FAM135B: variants seen among roughly 807,000 people sequenced by gnomAD.
The protein encoded by FAM135B is protein FAM135B.
FAM135B carries 43 observed loss-of-function variants against 127.7 expected under a neutral mutation model. The observed-to-expected ratio is 0.34, with a 90% CI of 0.26 to 0.43. The LOEUF is 0.43. FAM135B is among the 20% of genes least tolerant of loss of function. The pLI is 1.00. For missense variants in FAM135B, 1,558 were observed against 1,725.6 expected (o/e 0.90, Z 1.72); for synonymous variants, 670 against 665.1 (o/e 1.01, Z -0.11).
intron 4 of FAM135B, 24 bp downstream of exon 4, chr8:138,265,672 ACTTGTGG>A (rs778559871): frequency 4.3e-6 from 7 of 1,612,726 alleles, no homozygotes; most frequent in Non-Finnish European, 5.9e-6. Context: ...GGGAACAGCT[ACTTGTGG>A]CTGGTGGTAG....
chr8:138,153,278 C>G lies in FAM135B; in HGVS notation c.1259-62G>C, dbSNP rs187542939. 7 of 1,321,418 alleles carry G rather than the reference C, an allele frequency of 5.3e-6. No individual in the cohort carries two copies. The African/African-American group carries it at 1.0e-4, about 20-fold the overall frequency. 81.9% of individuals were successfully genotyped at this position (1,321,418 alleles called of 1,614,324 possible). ...TAAGAATCTGTGTTTACAAGTTATC[C>G]AAATGTCTAACTGTATAATAAAGAA... On this transcript the variant is annotated intron_variant, in intron 12 of 19. Coordinates refer to ENST00000395297, the MANE Select transcript of FAM135B (RefSeq NM_015912.4).
intron 2 of FAM135B, among the ~76,000 whole-genome samples, chr8:138,365,554 T>C (rs1830683851): frequency 6.6e-6 from 1 of 152,220 alleles, no homozygotes; most frequent in Non-Finnish European, 1.5e-5. Flanking sequence ...TTAGATAGAT[T>C]AGCTTATCAT....
intron 1 of FAM135B, chr8:138,441,261 G>C (rs1412878369): frequency 6.6e-6 from 1 of 152,186 alleles, no homozygotes; most frequent in African/African-American, 2.4e-5. Flanking sequence ...GTTTGTTTCT[G>C]GGGTAGCCCT....
chr8:138,443,740 G>T (rs1835942378), intron 1 of FAM135B, among the ~76,000 whole-genome samples: 2 of 152,078 alleles, frequency 1.3e-5, no homozygotes, highest in African/African-American at 4.8e-5. Flanking sequence ...TTTATGTCAG[G>T]TAAGACGCAG....
chr8:138,313,693 A>G (rs1374595088), intron 2 of FAM135B, among the ~76,000 whole-genome samples: 1 of 140,936 alleles, frequency 7.1e-6, no homozygotes, highest in Non-Finnish European at 1.6e-5. Flanking sequence ...CATTAAAACT[A>G]AACACTTTTG....
At chr8:138,296,494 G>T (rs1018608322) in intron 3 of FAM135B, among the ~76,000 whole-genome samples, 1 of 152,140 alleles carries the variant, frequency 6.6e-6, no homozygotes, top group Admixed American at 6.6e-5. Flanking sequence ...AATCTGTAAA[G>T]CAGACAAACA....
chr8:138,262,732 C>T (rs1314842765), intron 4 of FAM135B, among the ~76,000 whole-genome samples: 2 of 151,496 alleles, frequency 1.3e-5, no homozygotes, highest in Non-Finnish European at 2.9e-5. Context: ...AACCTTGTCT[C>T]TACTAAAAAT....
intron 9 of FAM135B, among the ~76,000 whole-genome samples, chr8:138,191,565 T>C (rs1190005041): frequency 6.6e-6 from 1 of 152,192 alleles, no homozygotes; most frequent in South Asian, 2.1e-4. Flanking sequence ...CTAGGCTATG[T>C]GCTGCATGAG....
intron 5 of FAM135B, among the ~76,000 whole-genome samples, chr8:138,254,423 G>C (rs1821922374): frequency 6.6e-6 from 1 of 152,176 alleles, no homozygotes; most frequent in African/African-American, 2.4e-5. Flanking sequence ...AATTGGAAAT[G>C]TCTACCATAA....
chr8:138,495,418 T>C (rs1003944567), intron 1 of FAM135B, among the ~76,000 whole-genome samples: 1 of 152,198 alleles, frequency 6.6e-6, no homozygotes, highest in Non-Finnish European at 1.5e-5. Flanking sequence ...ATCCATATTA[T>C]GACATAAATC....
chr8:138,412,421 T>G (rs1587388306), intron 1 of FAM135B, among the ~76,000 whole-genome samples: 1 of 152,160 alleles, frequency 6.6e-6, no homozygotes, highest in South Asian at 2.1e-4. Context: ...GGGGGTAATT[T>G]GTTACACAGC....
chr8:138,330,968 G>C (rs1349359842), intron 2 of FAM135B, among the ~76,000 whole-genome samples: 3 of 151,678 alleles, frequency 2.0e-5, no homozygotes, highest in Non-Finnish European at 4.4e-5. Flanking sequence ...TCAGCCTCCC[G>C]AGTAGCTGGG....
chr8:138,443,296 C>G (rs866573552), intron 1 of FAM135B, among the ~76,000 whole-genome samples: 2 of 152,120 alleles, frequency 1.3e-5, no homozygotes, highest in Non-Finnish European at 1.5e-5. Context: ...TTCAAATATT[C>G]TTTTCTTTTT....
intron 5 of FAM135B, among the ~76,000 whole-genome samples, chr8:138,253,754 T>C (rs950355883): frequency 1.3e-5 from 2 of 152,152 alleles, no homozygotes; most frequent in Non-Finnish European, 2.9e-5. Context: ...CTTCCGTCCC[T>C]CATATGAGAG....
intron 2 of FAM135B, 80 bp from the exon 3 acceptor site, chr8:138,311,000 G>T: frequency 8.7e-7 from 1 of 1,152,688 alleles, no homozygotes; most frequent in Non-Finnish European, 1.3e-6. Context: ...AATTAATCCT[G>T]AAAGCCATAG....
intron 1 of FAM135B, among the ~76,000 whole-genome samples, chr8:138,431,220 T>C (rs1388586825): frequency 1.3e-5 from 2 of 152,164 alleles, no homozygotes; most frequent in African/African-American, 4.8e-5. Flanking sequence ...ACTTACACAC[T>C]AATGAAACTT....
intron 7 of FAM135B, among the ~76,000 whole-genome samples, chr8:138,214,547 A>G (rs1225411725): frequency 6.6e-6 from 1 of 152,212 alleles, no homozygotes; most frequent in Non-Finnish European, 1.5e-5. Context: ...TTATACATAA[A>G]TGCTATTGCA....
chr8:138,354,384 C>T (rs1829957619), intron 2 of FAM135B, among the ~76,000 whole-genome samples: 1 of 152,092 alleles, frequency 6.6e-6, no homozygotes, highest in Non-Finnish European at 1.5e-5. Context: ...GATGACATGC[C>T]CTTTTCCATT....
intron 2 of FAM135B, among the ~76,000 whole-genome samples, chr8:138,329,885 T>C (rs924296289): frequency 1.3e-5 from 2 of 152,218 alleles, no homozygotes; most frequent in African/African-American, 2.4e-5. Context: ...GATGTCACTA[T>C]ATAAATATTA....
Sources: gnomAD v4.1 joint callset for allele counts (sites outside exome capture counted in the v4.1 genomes callset) on GRCh38, gnomAD v4.1.1 for gene constraint, MANE v1.5 for transcripts, NCBI Gene and HGNC (gene_info 2026-07-23, HGNC 2026-07-21) for gene names.